Variants in GAD1 observed in about 807,000 individuals in gnomAD.
GAD1 encodes the protein glutamate decarboxylase 1.
GAD1 carries 35 observed loss-of-function variants against 75.2 expected under a neutral mutation model. That is an observed-to-expected ratio of 0.47 (90% CI 0.36 to 0.62). GAD1 has a LOEUF of 0.62. GAD1 is among the 20% of genes least tolerant of loss of function. The pLI, the probability that GAD1 is intolerant of heterozygous loss-of-function variation, is 0.00. For missense variants in GAD1, 490 were observed against 758.5 expected (o/e 0.65, Z 4.16); for synonymous variants, 257 against 271.9 (o/e 0.95, Z 0.54).
chr2:170,843,413 ATT>A (rs1321080121), intron 6 of GAD1, among the ~76,000 whole-genome samples: 1 of 152,214 alleles, frequency 6.6e-6, no homozygotes, highest in Admixed American at 6.5e-5. Context: ...CTTGACAGAT[ATT>A]GACTTCAGAG....
chr2:170,828,481 C>G (rs201644937), intron 3 of GAD1, among the ~76,000 whole-genome samples: 2 of 73,146 alleles, frequency 2.7e-5, no homozygotes, highest in African/African-American at 5.2e-5. Flanking sequence ...TGTCCTTGAT[C>G]TCCTCCCTCT....
At chr2:170,835,155 TG>T (rs2105785344) in intron 5 of GAD1, among the ~76,000 whole-genome samples, 1 of 152,326 alleles carries the variant, frequency 6.6e-6, no homozygotes, top group South Asian at 2.1e-4. Flanking sequence ...AGCTCCTTAA[TG>T]AAATATTTAG....
At chr2:170,827,414 G>A (rs1481677344) in intron 3 of GAD1, among the ~76,000 whole-genome samples, 1 of 152,246 alleles carries the variant, frequency 6.6e-6, no homozygotes, top group Non-Finnish European at 1.5e-5. Flanking sequence ...GGCTAAGACT[G>A]AGGCTGAATT....
chr2:170,849,337 A>T lies in GAD1; in HGVS notation c.1171A>T (p.Asn391Tyr), dbSNP rs1290731220. The part of the protein sequence containing the change: ...LMSRKHRHKL[N>Y]GIERANSVTW... ...GTCCAGGAAGCACCGCCATAAACTC[A>T]ACGGCATAGAAAGGTAACGGCCAGA... The change falls in exon 12 of 17, where the codon AAC becomes TAC. Residue 391 changes from asparagine to tyrosine, a missense_variant. Transcript: ENST00000358196. The T allele has an allele frequency of 1.2e-6, 2 of 1,614,048 alleles. No individual in the cohort carries two copies. Among genetic ancestry groups the T allele is most frequent in the Non-Finnish European group, 1.7e-6 (2 of 1,179,998 alleles).
At chr2:170,825,439 A>G (rs908933954) in intron 3 of GAD1, among the ~76,000 whole-genome samples, 17 of 152,244 alleles carry the variant, frequency 1.1e-4, no homozygotes, top group African/African-American at 3.6e-4. Context: ...GTCTATGCAT[A>G]TGCAATTCCA....
intron 6 of GAD1, chr2:170,843,804 A>G: frequency 2.0e-6 from 1 of 509,750 alleles, no homozygotes; most frequent in Admixed American, 3.3e-5. Flanking sequence ...ATAAGAATCT[A>G]TTTTGTTGGT....
chr2:170,815,580 G>A (rs1701680347), upstream of GAD1, among the ~76,000 whole-genome samples: 1 of 152,198 alleles, frequency 6.6e-6, no homozygotes, highest in African/African-American at 2.4e-5. Flanking sequence ...CTGAACCAGT[G>A]AGGCCCCAGA....
chr2:170,818,367 C>G lies in GAD1; in HGVS notation c.-63-162C>G, dbSNP rs1396434687. 3.4e-6 allele frequency: 2 copies of G among 593,658 alleles called. No homozygotes were observed. The highest frequency in any genetic ancestry group is 2.8e-5 in the Admixed American group (1 of 35,126). The allele number at this position is 593,658 out of a possible 1,614,324, so 36.8% of individuals were successfully genotyped here. On this transcript the variant is annotated intron_variant, in intron 1 of 16. Coordinates refer to ENST00000358196, the MANE Select transcript of GAD1 (RefSeq NM_000817.3). The surrounding 1 kb of genome is among the most constrained non-coding windows in gnomAD (Gnocchi z 5.9). ...GCGCGCACGTCTCCTCCGCTGCCCCCACCCCTGCGCACCCCTACCAGGCAG... is the reference window on the plus strand; with the variant it reads ...GCGCGCACGTCTCCTCCGCTGCCCCGACCCCTGCGCACCCCTACCAGGCAG...
rs557963891 is a variant in GAD1 at position 170,846,188 on chromosome 2, G to T, written c.1002+125G>T. ...TTCTAAAATTCTATTCTTCAAATTT[G>T]CTTATTTCCAACTAGTAAAATAATT... On this transcript the variant is annotated intron_variant, in intron 10 of 16. Coordinates refer to ENST00000358196, the MANE Select transcript of GAD1 (RefSeq NM_000817.3). 20 of 860,144 alleles carry T rather than the reference G, an allele frequency of 2.3e-5. No individual in the cohort carries two copies. In the East Asian group the frequency reaches 4.4e-4, roughly 19 times the overall value. 53.3% of individuals were successfully genotyped at this position (860,144 alleles called of 1,614,324 possible).
chr2:170,817,051 G>A lies in GAD1; in HGVS notation c.-64+3G>A, dbSNP rs1422939213. The A allele has an allele frequency of 1.2e-5, 2 of 165,460 alleles. No homozygotes were observed. Among genetic ancestry groups the A allele is most frequent in the African/African-American group, 4.8e-5 (2 of 41,746 alleles). The allele number at this position is 165,460 out of a possible 1,614,324, so 10.2% of individuals were successfully genotyped here. A position where few individuals can be genotyped will look rare whatever the true frequency, so the allele number is the denominator to read the frequency against. On this transcript the variant is annotated splice_donor_region_variant and intron_variant, in intron 1 of 16. Coordinates refer to ENST00000358196, the MANE Select transcript of GAD1 (RefSeq NM_000817.3). ...CGGCTCGCTGTCGCAGAGCCGAGGT[G>A]GGTAAGCTAGCGACCACCTGGACTT... is the stretch of plus-strand genomic sequence containing the variant.
At chr2:170,815,130 TG>T (rs1396532881), upstream of GAD1, among the ~76,000 whole-genome samples, 16 of 152,040 alleles carry the variant, frequency 1.1e-4, no homozygotes, top group African/African-American at 3.6e-4. Context: ...GGCCGGTGGA[TG>T]GAATTCCGAG....
chr2:170,842,601 G>C, intron 6 of GAD1: 2 of 1,614,078 alleles, frequency 1.2e-6, no homozygotes, highest in Non-Finnish European at 1.7e-6. Context: ...TGGTTGCTAC[G>C]GTGATGGGGC....
chr2:170,825,304 G>A (rs1347748229), intron 3 of GAD1, among the ~76,000 whole-genome samples: 5 of 152,108 alleles, frequency 3.3e-5, no homozygotes, highest in African/African-American at 7.2e-5. Flanking sequence ...CAGGAGGATC[G>A]CTTGAGCCCA....
intron 5 of GAD1, among the ~76,000 whole-genome samples, chr2:170,835,276 G>A (rs1222753689): frequency 6.6e-6 from 1 of 151,988 alleles, no homozygotes; most frequent in Non-Finnish European, 1.5e-5. Context: ...TGTTTGCCTT[G>A]TCTCCTAATC....
intron 2 of GAD1, among the ~76,000 whole-genome samples, chr2:170,819,193 A>G (rs1701798230): frequency 6.6e-6 from 1 of 152,144 alleles, no homozygotes; most frequent in Non-Finnish European, 1.5e-5. Context: ...CCAAATTTGC[A>G]TCAAGCTATT....
chr2:170,838,658 G>A (rs1457517407), intron 6 of GAD1, among the ~76,000 whole-genome samples: 3 of 152,012 alleles, frequency 2.0e-5, no homozygotes, highest in Admixed American at 6.6e-5. Context: ...GGTAAATAAC[G>A]GACCTCCCCC....
upstream of GAD1, among the ~76,000 whole-genome samples, chr2:170,814,729 GAGAA>G (rs1701665543): frequency 6.6e-6 from 1 of 152,306 alleles, no homozygotes; most frequent in Admixed American, 6.5e-5. Flanking sequence ...CACCATAAAG[GAGAA>G]AGAGAGGGAT....
chr2:170,841,531 T>C (rs4668330), intron 6 of GAD1, among the ~76,000 whole-genome samples: 3,257 of 138,484 alleles, frequency 0.024, 129 homozygotes, highest in Admixed American at 0.12. Context: ...GAGACCTCCA[T>C]CTCTACACAA....
At chr2:170,822,006 C>A in intron 2 of GAD1, 81 bp from the exon 3 acceptor site, 1 of 1,217,662 alleles carries the variant, frequency 8.2e-7, no homozygotes, top group Non-Finnish European at 1.2e-6. Flanking sequence ...CATCCTCCCC[C>A]AAGAAAACCA....
Sources: gnomAD v4.1 joint callset for allele counts (sites outside exome capture counted in the v4.1 genomes callset) on GRCh38, gnomAD v4.1.1 for gene constraint, Gnocchi (gnomAD v3.1) non-coding constraint, MANE v1.5 for transcripts, NCBI Gene and HGNC (gene_info 2026-07-23, HGNC 2026-07-21) for gene names.